The following TENM3 variants were observed in gnomAD, a reference collection of about 807,000 sequenced individuals.
TENM3 encodes teneurin-3.
Under a neutral mutation model 255.1 loss-of-function variants are expected in TENM3, and 63 were observed. The ratio of observed to expected loss-of-function variants is 0.25; its 90% confidence interval spans 0.20 to 0.30. The LOEUF (loss-of-function observed/expected upper bound fraction) is 0.30, where lower values mean the gene tolerates loss of function less well. Ranked by LOEUF, TENM3 falls within the 10% of genes least tolerant of loss-of-function variation. TENM3 has a pLI of 1.00. For missense variants in TENM3, 2,929 were observed against 3,461.1 expected, an observed-to-expected ratio of 0.85 and a Z score of 3.86; for synonymous variants, 1,306 against 1,322.3, an observed-to-expected ratio of 0.99 and a Z score of 0.27.
intron 19 of TENM3, among the ~76,000 whole-genome samples, chr4:182,748,050 T>A (rs950478658): frequency 6.6e-6 from 1 of 152,194 alleles, no homozygotes; most frequent in African/African-American, 2.4e-5. Context: ...CTAAGAAGGT[T>A]GAATTATGAC....
chr4:181,568,073 G>A, the TENM3 span, among the ~76,000 whole-genome samples: 5 of 151,522 alleles, frequency 3.3e-5, no homozygotes. Context: ...GCATCTAGCA[G>A]TTTTTCTCAT....
chr4:182,642,499 G>A (rs1028432374), intron 5 of TENM3, among the ~76,000 whole-genome samples: 3 of 152,192 alleles, frequency 2.0e-5, no homozygotes, highest in Non-Finnish European at 2.9e-5. Flanking sequence ...AAGAATATGA[G>A]TCAAATATCC....
chr4:181,642,631 T>C, the TENM3 span, among the ~76,000 whole-genome samples: 1 of 152,202 alleles, frequency 6.6e-6, no homozygotes, highest in African/African-American at 2.4e-5. Flanking sequence ...TTAATCCATT[T>C]TGAGTTAATT....
At chr4:181,960,654 T>C in the TENM3 span, among the ~76,000 whole-genome samples, 1 of 152,304 alleles carries the variant, frequency 6.6e-6, no homozygotes, top group East Asian at 1.9e-4. Context: ...TGATAGTTTC[T>C]GCTAAAACAA....
the TENM3 span, among the ~76,000 whole-genome samples, chr4:182,125,161 G>C: frequency 8.0e-6 from 1 of 125,484 alleles, no homozygotes; most frequent in African/African-American, 2.9e-5. Context: ...CCATTGCCCA[G>C]CGCATCCACG....
intron 3 of TENM3, among the ~76,000 whole-genome samples, chr4:182,404,450 C>T (rs1348442309): frequency 6.6e-6 from 1 of 152,170 alleles, no homozygotes; most frequent in East Asian, 1.9e-4. Flanking sequence ...ATCAATAAAG[C>T]TTGCCAGAAT....
chr4:181,690,186 C>T, the TENM3 span, among the ~76,000 whole-genome samples: 5 of 151,992 alleles, frequency 3.3e-5, no homozygotes, highest in Admixed American at 6.6e-5. Context: ...TTCACAGAGA[C>T]GGTAAGCCTG....
intron 3 of TENM3, among the ~76,000 whole-genome samples, chr4:182,439,504 G>A (rs1772302861): frequency 1.3e-5 from 2 of 152,176 alleles, no homozygotes; most frequent in Admixed American, 6.5e-5. Flanking sequence ...GTCCTGTGAC[G>A]ATTAAACAAG....
At chr4:182,592,719 A>AC (rs1486863262) in intron 3 of TENM3, among the ~76,000 whole-genome samples, 2 of 152,204 alleles carry the variant, frequency 1.3e-5, no homozygotes, top group Non-Finnish European at 2.9e-5. Flanking sequence ...TGTCAAAAAA[A>AC]AAATCATATG....
the TENM3 span, among the ~76,000 whole-genome samples, chr4:182,114,851 C>T: frequency 6.6e-6 from 1 of 152,120 alleles, no homozygotes; most frequent in Non-Finnish European, 1.5e-5. Context: ...CTAAGGTCAA[C>T]TATTTTATTT....
At chr4:182,540,596 A>T (rs28641148) in intron 3 of TENM3, among the ~76,000 whole-genome samples, 9,271 of 151,992 alleles carry the variant, frequency 0.061, 381 homozygotes, top group East Asian at 0.11. Flanking sequence ...AAAAAAAAAA[A>T]TTTTTCACTT....
chr4:181,577,118 AAATT>A, the TENM3 span, among the ~76,000 whole-genome samples: 4 of 134,524 alleles, frequency 3.0e-5, 1 homozygote, highest in South Asian at 8.6e-4. Context: ...ATATAATAAT[AAATT>A]ATGTGTAATA....
At chr4:182,765,962 A>G (rs1763685022) in intron 22 of TENM3, among the ~76,000 whole-genome samples, 1 of 152,208 alleles carries the variant, frequency 6.6e-6, no homozygotes, top group African/African-American at 2.4e-5. Flanking sequence ...CGGTCAAACT[A>G]GTATCTTATA....
chr4:182,750,551 A>G (rs1762297634), intron 19 of TENM3, among the ~76,000 whole-genome samples: 7 of 152,236 alleles, frequency 4.6e-5, no homozygotes, highest in Admixed American at 4.6e-4. Context: ...TCAAGTAGTG[A>G]AAATTGTTTT....
chr4:182,687,664 A>T (rs1756688082), intron 11 of TENM3, among the ~76,000 whole-genome samples: 1 of 152,184 alleles, frequency 6.6e-6, no homozygotes, highest in South Asian at 2.1e-4. Flanking sequence ...CTCTTAGTGA[A>T]AGTTTCTGAA....
intron 3 of TENM3, among the ~76,000 whole-genome samples, chr4:182,455,849 A>G (rs1773834123): frequency 6.6e-6 from 1 of 152,088 alleles, no homozygotes; most frequent in Non-Finnish European, 1.5e-5. Context: ...GGCATGAGCC[A>G]CCGCACCCGG....
chr4:181,966,927 A>G, the TENM3 span, among the ~76,000 whole-genome samples: 2 of 152,064 alleles, frequency 1.3e-5, no homozygotes, highest in African/African-American at 2.4e-5. Flanking sequence ...CCAGAATGCC[A>G]TATGAAGACA....
chr4:181,673,822 A>T, the TENM3 span, among the ~76,000 whole-genome samples: 4 of 150,972 alleles, frequency 2.6e-5, no homozygotes, highest in Admixed American at 6.6e-5. Context: ...AGTAGTGACC[A>T]CCTTGGAAAG....
intron 3 of TENM3, among the ~76,000 whole-genome samples, chr4:182,573,067 G>T (rs920550474): frequency 6.6e-6 from 1 of 152,134 alleles, no homozygotes; most frequent in African/African-American, 2.4e-5. Context: ...TTATTTCAAT[G>T]ATTTGCATTC....
Sources: gnomAD v4.1 joint callset for allele counts (sites outside exome capture counted in the v4.1 genomes callset) on GRCh38, gnomAD v4.1.1 for gene constraint, MANE v1.5 for transcripts, NCBI Gene and HGNC (gene_info 2026-07-23, HGNC 2026-07-21) for gene names.